The following GTF2E2 variants were observed in gnomAD, a reference collection of about 807,000 sequenced individuals.
GTF2E2 encodes transcription initiation factor IIE subunit beta.
Under a neutral mutation model 40.5 loss-of-function variants are expected in GTF2E2, and 21 were observed. That is an observed-to-expected ratio of 0.52 (90% CI 0.37 to 0.75). The LOEUF (loss-of-function observed/expected upper bound fraction) is 0.75. Ranked by LOEUF, GTF2E2 falls within the 30% of genes least tolerant of loss-of-function variation. The pLI, the probability that GTF2E2 is intolerant of heterozygous loss-of-function variation, is 0.00. For missense variants in GTF2E2, 298 were observed against 338.4 expected, an observed-to-expected ratio of 0.88 and a Z score of 0.94; for synonymous variants, 117 against 121.6, an observed-to-expected ratio of 0.96 and a Z score of 0.25.
At chr8:30,653,683 T>C (rs1802360676) in intron 1 of GTF2E2, 81 bp from the exon 2 acceptor site, 1 of 949,194 alleles carries the variant, frequency 1.1e-6, no homozygotes, top group Non-Finnish European at 1.6e-6. Context: ...CTCAACAAGT[T>C]ACTTCCCAAA....
At chr8:30,637,172 C>T (rs970673571) in intron 2 of GTF2E2, 1 of 453,524 alleles carries the variant, frequency 2.2e-6, no homozygotes, top group African/African-American at 2.0e-5. Context: ...CTGAAACTGG[C>T]CATTTTGTCA....
intron 6 of GTF2E2, among the ~76,000 whole-genome samples, chr8:30,589,617 T>G (rs1253461038): frequency 6.6e-6 from 1 of 152,184 alleles, no homozygotes; most frequent in African/African-American, 2.4e-5. Context: ...TAAAGACAAG[T>G]GCCACTTCAT....
chr8:30,631,113 C>T (rs930629299), intron 3 of GTF2E2, among the ~76,000 whole-genome samples: 4 of 152,176 alleles, frequency 2.6e-5, no homozygotes, highest in South Asian at 2.1e-4. Flanking sequence ...TTGCAACTTC[C>T]ACCTCCCAGG....
chr8:30,632,615 T>G (rs1186305597), intron 3 of GTF2E2, among the ~76,000 whole-genome samples: 1 of 152,202 alleles, frequency 6.6e-6, no homozygotes, highest in African/African-American at 2.4e-5. Flanking sequence ...TCTGAATATA[T>G]CAGATTTTAA....
In GTF2E2 at chr8:30,612,420, T is replaced by C; in HGVS notation, c.428A>G (p.Tyr143Cys). The C allele has an allele frequency of 6.2e-7, 1 of 1,612,850 alleles. No homozygotes were observed. Among genetic ancestry groups the C allele is most frequent in the Non-Finnish European group, 8.5e-7 (1 of 1,178,956 alleles). Residue 143 changes from tyrosine (Y) to cysteine (C), a missense_variant, in exon 5 of 8, where the codon TAC (tyrosine) becomes TGC (cysteine). Tyr to Cys is a radical substitution (Grantham distance 194). Transcript: ENST00000355904. ...TAGGGCCTTCTTATCTCTCACGTTGTACTTGGGCTTGAAAGCATACTTCCC... is the reference window on the plus strand; with the variant it reads ...TAGGGCCTTCTTATCTCTCACGTTGCACTTGGGCTTGAAAGCATACTTCCC... ...IDGKYAFKPK[Y>C]NVRDKKALLR...
chr8:30,602,847 G>C (rs1022676040), intron 6 of GTF2E2, among the ~76,000 whole-genome samples: 2 of 151,350 alleles, frequency 1.3e-5, no homozygotes, highest in Non-Finnish European at 2.9e-5. Context: ...CTTTGTCTTT[G>C]CTATTCCCTC....
intron 6 of GTF2E2, among the ~76,000 whole-genome samples, chr8:30,591,769 C>A (rs1585940162): frequency 6.6e-6 from 1 of 152,242 alleles, no homozygotes; most frequent in East Asian, 1.9e-4. Context: ...CAATTCTACT[C>A]CTAGGTATAT....
chr8:30,650,518 C>T (rs1302517845), intron 2 of GTF2E2, among the ~76,000 whole-genome samples: 1 of 113,918 alleles, frequency 8.8e-6, no homozygotes, highest in Non-Finnish European at 1.7e-5. Context: ...AGTAAAACCC[C>T]ATCTCTACCA....
At chr8:30,580,194 A>C (rs1828475551) in intron 7 of GTF2E2, 87 bp downstream of exon 7, 2 of 757,994 alleles carry the variant, frequency 2.6e-6, no homozygotes, top group African/African-American at 1.7e-5. Context: ...CGGGGGAACA[A>C]CTCCCAGCTC....
chr8:30,647,304 G>C (rs914006647), intron 2 of GTF2E2, among the ~76,000 whole-genome samples: 1 of 152,134 alleles, frequency 6.6e-6, no homozygotes, highest in Non-Finnish European at 1.5e-5. Context: ...ATATCGGCTG[G>C]GCGCGGTGGC....
intron 6 of GTF2E2, chr8:30,597,602 G>GT (rs1000400102): frequency 2.0e-4 from 30 of 152,178 alleles, no homozygotes; most frequent in African/African-American, 6.8e-4. Context: ...TTCCAAGGGG[G>GT]TGCCTGTCTC....
intron 3 of GTF2E2, among the ~76,000 whole-genome samples, chr8:30,625,822 C>T (rs952222223): frequency 6.6e-6 from 1 of 152,166 alleles, no homozygotes; most frequent in African/African-American, 2.4e-5. Context: ...TGGTCTCAAA[C>T]TCCTGACCTC....
chr8:30,655,382 G>C (rs973153536), intron 1 of GTF2E2, among the ~76,000 whole-genome samples: 1 of 152,072 alleles, frequency 6.6e-6, no homozygotes, highest in Non-Finnish European at 1.5e-5. Context: ...AACTCTGCTA[G>C]AACCCTACAG....
At chr8:30,638,046 C>G (rs1045135300) in intron 2 of GTF2E2, among the ~76,000 whole-genome samples, 4 of 152,284 alleles carry the variant, frequency 2.6e-5, no homozygotes, top group African/African-American at 9.6e-5. Context: ...GTGTATTTAC[C>G]TAAATGAGCC....
chr8:30,618,856 C>T (rs180752506), intron 3 of GTF2E2, among the ~76,000 whole-genome samples: 25 of 152,258 alleles, frequency 1.6e-4, no homozygotes, highest in African/African-American at 5.5e-4. Context: ...ATATTTCCAT[C>T]ATTATGTGAT....
At chr8:30,644,359 G>C (rs112021608) in intron 2 of GTF2E2, 1 of 152,048 alleles carries the variant, frequency 6.6e-6, no homozygotes, top group Non-Finnish European at 1.5e-5. Flanking sequence ...TCAGGTATAC[G>C]AAACACTTAA....
intron 3 of GTF2E2, among the ~76,000 whole-genome samples, chr8:30,629,023 A>C (rs1801363483): frequency 6.6e-6 from 1 of 152,174 alleles, no homozygotes; most frequent in South Asian, 2.1e-4. Context: ...ACTTACACTA[A>C]TTAATTTTCA....
chr8:30,616,978 T>C (rs1208602540), intron 3 of GTF2E2, among the ~76,000 whole-genome samples: 2 of 152,102 alleles, frequency 1.3e-5, no homozygotes, highest in African/African-American at 4.8e-5. Flanking sequence ...TAAAAGAGGT[T>C]ACCTGTAGAA....
At position 30,618,748 on chromosome 8, in the gene GTF2E2, T is replaced by G. The variant is rs1202774140; in HGVS notation, c.259-4033A>C. ...TAAAATAATTAAAATAAGCCATCTATTCCTTCAAAGTAAAGCTGGCATTTA... is the reference window on the plus strand; with the variant it reads ...TAAAATAATTAAAATAAGCCATCTAGTCCTTCAAAGTAAAGCTGGCATTTA... On this transcript the variant is annotated intron_variant, in intron 3 of 7. Transcript: ENST00000355904. 5.9e-5 allele frequency among the ~76,000 whole-genome samples: 9 copies of G among 152,312 alleles called. 1 individual carries two copies. In the South Asian group the frequency reaches 1.2e-3, roughly 21 times the overall value.
Sources: gnomAD v4.1 joint callset for allele counts (sites outside exome capture counted in the v4.1 genomes callset) on GRCh38, gnomAD v4.1.1 for gene constraint, MANE v1.5 for transcripts, NCBI Gene and HGNC (gene_info 2026-07-23, HGNC 2026-07-21) for gene names.